Variants in SS18L1 observed in about 807,000 individuals in gnomAD.
The protein encoded by SS18L1 is calcium-responsive transactivator.
A neutral mutation model predicts 70.3 loss-of-function variants in SS18L1; 32 were observed. The observed-to-expected ratio is 0.46, with a 90% CI of 0.34 to 0.61. The LOEUF (loss-of-function observed/expected upper bound fraction) is 0.61, where lower values mean the gene tolerates loss of function less well. SS18L1 is among the 20% of genes least tolerant of loss of function. The probability of loss-of-function intolerance (pLI) is 0.01; values close to 1 mark genes in which losing one functional copy is unlikely to be tolerated. For synonymous variants in SS18L1, 237 were observed against 229.7 expected (o/e 1.03, Z -0.29); for missense variants, 430 against 542.1 (o/e 0.79, Z 2.05).
Position 62,158,958 on chromosome 20 carries a change from A to G in SS18L1, c.146+210A>G. The G allele has an allele frequency of 6.4e-7, 1 of 1,562,954 alleles. No homozygotes were observed. Among genetic ancestry groups the G allele is most frequent in the Non-Finnish European group, 8.6e-7 (1 of 1,157,286 alleles). ...CAGCACGGAGGTCAGATATGTCCCG[A>G]GAGTCCCCCAGCACGGAGGCCAGAT... On this transcript the variant is annotated intron_variant, in intron 2 of 10. Transcript: ENST00000331758. This position sits in a 1 kb window ranked among gnomAD's most constrained non-coding sequence, Gnocchi z 4.5.
In SS18L1 at chr20:62,161,451, A is replaced by T. The variant is rs751255404; in HGVS notation, c.247A>T (p.Met83Leu). The change falls in exon 4 of 11, where the codon ATG becomes TTG. Residue 83 changes from methionine to leucine, a missense_variant. By Grantham distance (15) the Met-to-Leu change is conservative. Coordinates refer to ENST00000331758, the MANE Select transcript of SS18L1 (RefSeq NM_198935.3). The surrounding 1 kb of genome is among the most constrained non-coding windows in gnomAD (Gnocchi z 4.4). ...TTGCCTGCAGCCGCCCACGCAGAACATGAACCTGGGCCCTGGAGCCCTGAC... is the reference window on the plus strand; with the variant it reads ...TTGCCTGCAGCCGCCCACGCAGAACTTGAACCTGGGCCCTGGAGCCCTGAC... ...SLLPAPPTQN[M>L]NLGPGALTQS... 6 of 1,612,684 alleles carry T rather than the reference A, an allele frequency of 3.7e-6. No individual in the cohort carries two copies. In the Admixed American group the frequency reaches 5.0e-5, roughly 13 times the overall value.
In SS18L1 at chr20:62,174,936, C is replaced by T. The variant is rs543812195; in HGVS notation, c.1164+292C>T. On this transcript the variant is annotated intron_variant, in intron 10 of 10. Coordinates refer to ENST00000331758, the MANE Select transcript of SS18L1 (RefSeq NM_198935.3). This position sits in a 1 kb window ranked among gnomAD's most constrained non-coding sequence, Gnocchi z 4.1. ...GTTTGTCACGTACTGGGTACGCGTC[C>T]GGTCTCTGCTGAGTGCTTGGTGTGT... 6.1e-5 allele frequency: 60 copies of T among 981,996 alleles called. No homozygotes were observed. The highest frequency in any genetic ancestry group is 1.7e-4 in the African/African-American group (10 of 57,300). The allele number at this position is 981,996 out of a possible 1,614,324, so 60.8% of individuals were successfully genotyped here.
chr20:62,157,155 G>A (rs1467588138), intron 1 of SS18L1, among the ~76,000 whole-genome samples: 1 of 152,156 alleles, frequency 6.6e-6, no homozygotes, highest in African/African-American at 2.4e-5. Flanking sequence ...CGGCCTGTGG[G>A]CGTCCTGTGT....
chr20:62,156,623 C>T (rs1041426701), intron 1 of SS18L1, among the ~76,000 whole-genome samples: 6 of 152,242 alleles, frequency 3.9e-5, no homozygotes, highest in South Asian at 2.1e-4. Context: ...GCTGTGGGTC[C>T]GGGCTCTGCC....
At chr20:62,153,766 C>T (rs576529900) in intron 1 of SS18L1, among the ~76,000 whole-genome samples, 129 of 152,314 alleles carry the variant, frequency 8.5e-4, no homozygotes, top group African/African-American at 3.0e-3. Context: ...GGGTCTCCCA[C>T]CATTGGCCGA....
At chr20:62,150,764 A>G (rs973840391) in intron 1 of SS18L1, among the ~76,000 whole-genome samples, 1 of 142,138 alleles carries the variant, frequency 7.0e-6, no homozygotes, top group African/African-American at 2.6e-5. Flanking sequence ...GGGACAGGTG[A>G]GGTCTCTATG....
At position 62,174,377 on chromosome 20, in the gene SS18L1, G is replaced by A; in HGVS notation, c.1037-140G>A. Reference sequence around the variant, plus strand: ...CCACGTGCAGGTGCCAGGTGTTCTGGAGATTGACAAAAGGCTGATGCATTG... The same window carrying A: ...CCACGTGCAGGTGCCAGGTGTTCTGAAGATTGACAAAAGGCTGATGCATTG... On this transcript the variant is annotated intron_variant, in intron 9 of 10. Coordinates refer to ENST00000331758, the MANE Select transcript of SS18L1 (RefSeq NM_198935.3). This position sits in a 1 kb window ranked among gnomAD's most constrained non-coding sequence, Gnocchi z 4.1. 1 of 1,401,780 alleles carries A rather than the reference G, an allele frequency of 7.1e-7. No homozygotes were observed. Among genetic ancestry groups the A allele is most frequent in the South Asian group, 1.5e-5 (1 of 66,962 alleles). 86.8% of individuals were successfully genotyped at this position (1,401,780 alleles called of 1,614,324 possible). A position where few individuals can be genotyped will look rare whatever the true frequency, so the allele number is the denominator to read the frequency against.
chr20:62,172,814 C>T lies in SS18L1; in HGVS notation c.1036+13C>T, dbSNP rs1350329812. 3 of 1,611,998 alleles carry T rather than the reference C, an allele frequency of 1.9e-6. No individual in the cohort carries two copies. The highest frequency in any genetic ancestry group is 2.5e-6 in the Non-Finnish European group (3 of 1,179,416). On this transcript the variant is annotated intron_variant, in intron 9 of 10. Coordinates refer to ENST00000331758, the MANE Select transcript of SS18L1 (RefSeq NM_198935.3). ...CAGCAGGGCTACGGTAAGAGGCGAG[C>T]ACGGTCCTCGGGGCCCCCCAGCGCC...
Position 62,162,948 on chromosome 20 carries a change from T to C in SS18L1, c.556+17T>C. ...CCAACCCAGGTACCTACTCTGCCTC[T>C]GCAACCCCGGGGGGCCTGGGCCTGC... is the stretch of plus-strand genomic sequence containing the variant. On this transcript the variant is annotated intron_variant, in intron 5 of 10. Coordinates refer to ENST00000331758, the MANE Select transcript of SS18L1 (RefSeq NM_198935.3). 1.2e-6 allele frequency: 2 copies of C among 1,610,494 alleles called. No individual in the cohort carries two copies. The highest frequency in any genetic ancestry group is 8.5e-7 in the Non-Finnish European group (1 of 1,178,998).
At position 62,143,776 on chromosome 20, in the gene SS18L1, G is replaced by C; in HGVS notation, c.-45G>C. 7.5e-7 allele frequency: 1 copy of C among 1,325,730 alleles called. No homozygotes were observed. The highest frequency in any genetic ancestry group is 1.6e-5 in the African/African-American group (1 of 64,234). 82.1% of individuals were successfully genotyped at this position (1,325,730 alleles called of 1,614,324 possible). On this transcript the variant is annotated 5_prime_UTR_variant, in exon 1 of 11. Transcript: ENST00000331758. ...CGCCTCGGGCCGCCCAGCGCAGCCG[G>C]AGTATCCACCTCGATGACCACGGGC...
chr20:62,168,222 A>G (rs1372436974), intron 8 of SS18L1, among the ~76,000 whole-genome samples: 1 of 152,098 alleles, frequency 6.6e-6, no homozygotes, highest in Non-Finnish European at 1.5e-5. Context: ...AAGGCCAGTA[A>G]GACAGATGGT....
intron 9 of SS18L1, among the ~76,000 whole-genome samples, 189 bp downstream of exon 9, chr20:62,172,990 C>T (rs926812862): frequency 1.3e-5 from 2 of 152,256 alleles, no homozygotes; most frequent in Non-Finnish European, 2.9e-5. Flanking sequence ...GGTACGTGCC[C>T]GGTGACCCTG....
In SS18L1 at chr20:62,180,512, A is replaced by G. The variant is rs767057493; in HGVS notation, c.*1304A>G. The G allele has an allele frequency of 2.1e-4, 38 of 181,246 alleles. No individual in the cohort carries two copies. The highest frequency in any genetic ancestry group is 2.1e-4 in the Non-Finnish European group (18 of 84,914). The allele number at this position is 181,246 out of a possible 1,614,324, so 11.2% of individuals were successfully genotyped here. A position where few individuals can be genotyped will look rare whatever the true frequency, so the allele number is the denominator to read the frequency against. On this transcript the variant is annotated 3_prime_UTR_variant, in exon 11 of 11. Coordinates refer to ENST00000331758, the MANE Select transcript of SS18L1 (RefSeq NM_198935.3). The stretch of plus-strand genomic sequence containing the variant: ...GATAAATGCTGACAGATTTCCAAGA[A>G]CTACCAAGAAAATACAAGAGATATC...
rs993335539 is a variant in SS18L1, at chr20:62,161,741, A to G, written c.376+161A>G. 6.6e-6 allele frequency among the ~76,000 whole-genome samples: 1 copy of G among 152,248 alleles called. No homozygotes were observed. Among genetic ancestry groups the G allele is most frequent in the Non-Finnish European group, 1.5e-5 (1 of 68,038 alleles). On this transcript the variant is annotated intron_variant, in intron 4 of 10. Coordinates refer to ENST00000331758, the MANE Select transcript of SS18L1 (RefSeq NM_198935.3). This position sits in a 1 kb window ranked among gnomAD's most constrained non-coding sequence, Gnocchi z 4.4. ...AGGTCGGCTGCCATCGCCCAGGCTCAGGGCCGCAGCGAGCGTGCCGTGCGG... is the reference window on the plus strand; with the variant it reads ...AGGTCGGCTGCCATCGCCCAGGCTCGGGGCCGCAGCGAGCGTGCCGTGCGG...
chr20:62,144,934 G>A (rs1386292506), intron 1 of SS18L1, among the ~76,000 whole-genome samples: 1 of 152,240 alleles, frequency 6.6e-6, no homozygotes, highest in African/African-American at 2.4e-5. Context: ...CCCTAAGGGG[G>A]TTCACCTTGA....
intron 1 of SS18L1, among the ~76,000 whole-genome samples, chr20:62,147,330 G>A (rs545105176): frequency 2.0e-5 from 3 of 152,294 alleles, no homozygotes; most frequent in Admixed American, 6.5e-5. Context: ...CCCTGCGGTG[G>A]GGCTGGGCCA....
At position 62,181,244 on chromosome 20, in the gene SS18L1, T is replaced by TA. The variant is rs1432765377; in HGVS notation, c.*2037dup. 1 of 205,000 alleles carries TA rather than the reference T, an allele frequency of 4.9e-6. No individual in the cohort carries two copies. Among genetic ancestry groups the TA allele is most frequent in the Non-Finnish European group, 1.0e-5 (1 of 100,016 alleles). 12.7% of individuals were successfully genotyped at this position (205,000 alleles called of 1,614,324 possible). ...GCTCAAAAATAAACGTATGTGTTCA[T>TA]ATTCGATCACCGAAATGAGAGTTCT... is the stretch of plus-strand genomic sequence containing the variant. On this transcript the variant is annotated 3_prime_UTR_variant, in exon 11 of 11. Transcript: ENST00000331758.
Position 62,174,545 on chromosome 20 carries a change from C to A in SS18L1, c.1065C>A (p.Tyr355Ter). 1 of 1,614,098 alleles carries A rather than the reference C, an allele frequency of 6.2e-7. No individual in the cohort carries two copies. The highest frequency in any genetic ancestry group is 8.5e-7 in the Non-Finnish European group (1 of 1,180,036). The change falls in exon 10 of 11, where the codon TAC (tyrosine) becomes TAA (stop). Residue 355 changes from tyrosine to a stop codon, truncating the protein, a stop_gained. Transcript: ENST00000331758. LOFTEE classifies it high-confidence loss of function. This position sits in a 1 kb window ranked among gnomAD's most constrained non-coding sequence, Gnocchi z 4.1. ...YGSAQGAPSQ[Y>*]PGYQQGQGQQ... is the part of the protein sequence containing the mutation. ...CTGCCCAGGGAGCCCCGTCACAGTACCCCGGCTACCAGCAAGGCCAAGGCC... is the reference window on the plus strand; with the variant it reads ...CTGCCCAGGGAGCCCCGTCACAGTAACCCGGCTACCAGCAAGGCCAAGGCC...
intron 4 of SS18L1, among the ~76,000 whole-genome samples, chr20:62,162,322 CAG>C (rs896361178): frequency 8.6e-5 from 13 of 151,816 alleles, no homozygotes; most frequent in African/African-American, 2.9e-4. Flanking sequence ...TTTTTTGAGA[CAG>C]AGTCTCGCTC....
Sources: allele counts gnomAD v4.1 joint callset (sites outside exome capture counted in the v4.1 genomes callset), GRCh38; gene constraint gnomAD v4.1.1; non-coding constraint Gnocchi (gnomAD v3.1); transcripts MANE v1.5; gene names NCBI Gene and HGNC (gene_info 2026-07-23, HGNC 2026-07-21).